LRRN3: variants seen among roughly 807,000 people sequenced by gnomAD.
LRRN3 encodes leucine-rich repeat neuronal protein 3.
A neutral mutation model predicts 40.1 loss-of-function variants in LRRN3; 15 were observed. The ratio of observed to expected loss-of-function variants is 0.37; its 90% CI spans 0.25 to 0.58. The LOEUF is 0.58. LRRN3 is among the 20% of genes least tolerant of loss of function. LRRN3 has a pLI of 0.72. For synonymous variants in LRRN3, 308 were observed against 297.2 expected, an observed-to-expected ratio of 1.04 and a Z score of -0.37; for missense variants, 746 against 837.7, an observed-to-expected ratio of 0.89 and a Z score of 1.35.
At chr7:111,119,040 C>A (rs1800249961) in intron 2 of LRRN3, among the ~76,000 whole-genome samples, 1 of 152,164 alleles carries the variant, frequency 6.6e-6, no homozygotes, top group African/African-American at 2.4e-5. Flanking sequence ...TATATTAAGA[C>A]TCCCCCAGAA....
At position 111,103,913 on chromosome 7, in the gene LRRN3, G is replaced by GA. The variant is rs1186469814; in HGVS notation, c.-359+3953dup. Among the ~76,000 whole-genome samples, 14 of 151,616 alleles carry GA rather than the reference G, an allele frequency of 9.2e-5. 1 individual carries two copies. The East Asian group carries it at 2.3e-3, about 25-fold the overall frequency. ...CCTTAATGACTAGGCTGCTTCTATT[G>GA]AACACCATTTTGAGAGTACCAGAGA... is the stretch of plus-strand genomic sequence containing the variant. On this transcript the variant is annotated intron_variant, in intron 2 of 2. Transcript: ENST00000308478.
At chr7:111,106,128 G>A (rs1798525264) in intron 2 of LRRN3, among the ~76,000 whole-genome samples, 1 of 151,944 alleles carries the variant, frequency 6.6e-6, no homozygotes, top group African/African-American at 2.4e-5. Flanking sequence ...CAACATTGGT[G>A]CACATTGGAG....
At chr7:111,099,028 G>T (rs2129579540) in intron 1 of LRRN3, among the ~76,000 whole-genome samples, 1 of 151,620 alleles carries the variant, frequency 6.6e-6, no homozygotes, top group East Asian at 1.9e-4. Flanking sequence ...ATTTATATCT[G>T]AGTTTTGCTA....
intron 1 of LRRN3, among the ~76,000 whole-genome samples, chr7:111,092,216 GC>G (rs1315193855): frequency 6.6e-6 from 1 of 152,218 alleles, no homozygotes. Flanking sequence ...GATTGCTAAT[GC>G]AGCTGGAACT....
chr7:111,122,022 T>G (rs1197514185), intron 2 of LRRN3, among the ~76,000 whole-genome samples: 3 of 140,290 alleles, frequency 2.1e-5, no homozygotes, highest in Admixed American at 8.0e-5. Context: ...AGTTGGGAAC[T>G]GAACAATGAG....
chr7:111,118,260 AG>A (rs1800133968), intron 2 of LRRN3, among the ~76,000 whole-genome samples: 1 of 152,120 alleles, frequency 6.6e-6, no homozygotes, highest in South Asian at 2.1e-4. Flanking sequence ...GCCAAAAAGT[AG>A]GTGTTGGATC....
At chr7:111,093,284 TA>T (rs1179580207) in intron 1 of LRRN3, among the ~76,000 whole-genome samples, 1 of 151,950 alleles carries the variant, frequency 6.6e-6, no homozygotes, top group East Asian at 1.9e-4. Flanking sequence ...ATGCAATCTA[TA>T]AAAAAAACCA....
chr7:111,112,454 T>G (rs1446309998), intron 2 of LRRN3, among the ~76,000 whole-genome samples: 1 of 151,784 alleles, frequency 6.6e-6, no homozygotes, highest in East Asian at 1.9e-4. Flanking sequence ...TCATGTCCTG[T>G]ACAGTAATGA....
Position 111,123,233 on chromosome 7 carries a change from C to T in LRRN3, c.461C>T (p.Thr154Ile), listed in dbSNP as rs780343013. Reference sequence around the variant, plus strand: ...TATATTAATCACAACTTGCTTTCTACAATTTCACCTGGAGCCTTTATTGGC... The same window carrying T: ...TATATTAATCACAACTTGCTTTCTATAATTTCACCTGGAGCCTTTATTGGC... ...ELYINHNLLS[T>I]ISPGAFIGLH... Residue 154 changes from threonine to isoleucine, a missense_variant, in exon 3 of 3, where the codon ACA becomes ATA. Thr to Ile is a moderately conservative substitution (Grantham distance 89, BLOSUM62 -1). Coordinates refer to ENST00000308478, the MANE Select transcript of LRRN3 (RefSeq NM_001099658.2). This position sits in a 1 kb window ranked among gnomAD's most constrained non-coding sequence, Gnocchi z 6.4. 2.0e-5 allele frequency: 33 copies of T among 1,613,732 alleles called. No individual in the cohort carries two copies. In the Admixed American group the frequency reaches 4.2e-4, roughly 20 times the overall value.
chr7:111,114,807 G>A (rs540319181), intron 2 of LRRN3, among the ~76,000 whole-genome samples: 1 of 151,776 alleles, frequency 6.6e-6, no homozygotes, highest in Admixed American at 6.6e-5. Context: ...ATATTTAAGG[G>A]TTACTACAAA....
intron 2 of LRRN3, among the ~76,000 whole-genome samples, chr7:111,108,262 C>G (rs377407008): frequency 1.3e-5 from 2 of 152,156 alleles, no homozygotes; most frequent in African/African-American, 2.4e-5. Flanking sequence ...GTACTTAACA[C>G]TCAATTATAT....
At chr7:111,115,718 G>A (rs1586374021) in intron 2 of LRRN3, among the ~76,000 whole-genome samples, 1 of 151,970 alleles carries the variant, frequency 6.6e-6, no homozygotes, top group East Asian at 1.9e-4. Flanking sequence ...TCAGGCTAGA[G>A]TGCAGCTGGC....
intron 2 of LRRN3, among the ~76,000 whole-genome samples, chr7:111,100,417 TATA>T (rs566298410): frequency 8.8e-4 from 131 of 148,046 alleles, no homozygotes; most frequent in African/African-American, 3.1e-3. Context: ...AAACTTTATA[TATA>T]ATAAAATATA....
chr7:111,093,982 G>A (rs937991110), intron 1 of LRRN3, among the ~76,000 whole-genome samples: 13 of 152,036 alleles, frequency 8.6e-5, no homozygotes, highest in Middle Eastern at 3.2e-3. Context: ...CTTAATAAAC[G>A]GTGCTACCAG....
At chr7:111,098,060 T>C (rs1045076805) in intron 1 of LRRN3, among the ~76,000 whole-genome samples, 4 of 151,794 alleles carry the variant, frequency 2.6e-5, no homozygotes, top group African/African-American at 4.8e-5. Context: ...GTGACTGCCA[T>C]ATATGAAAGA....
Position 111,124,104 on chromosome 7 carries a change from T to C in LRRN3, c.1332T>C (p.Cys444=). 3 of 1,614,062 alleles carry C rather than the reference T, an allele frequency of 1.9e-6. No individual in the cohort carries two copies. Among genetic ancestry groups the C allele is most frequent in the Non-Finnish European group, 2.5e-6 (3 of 1,179,990 alleles). The change falls in exon 3 of 3, where the codon TGT becomes TGC. Residue 444 remains cysteine (C), a synonymous_variant. Coordinates refer to ENST00000308478, the MANE Select transcript of LRRN3 (RefSeq NM_001099658.2). The part of the protein sequence containing the change: ...VEAGSYVSFH[C]RATAEPQPEI... ...CTGGGAGCTATGTTTCCTTTCACTG[T>C]AGAGCTACTGCAGAACCACAGCCTG...
chr7:111,106,503 C>T (rs1798563456), intron 2 of LRRN3, among the ~76,000 whole-genome samples: 1 of 151,712 alleles, frequency 6.6e-6, no homozygotes, highest in Non-Finnish European at 1.5e-5. Context: ...TGTCTTCTAC[C>T]ATCACCATTT....
chr7:111,107,090 T>C (rs1798630928), intron 2 of LRRN3, among the ~76,000 whole-genome samples: 1 of 151,998 alleles, frequency 6.6e-6, no homozygotes, highest in African/African-American at 2.4e-5. Context: ...CAGATGCTCA[T>C]GAATAGACAA....
intron 2 of LRRN3, among the ~76,000 whole-genome samples, chr7:111,121,731 T>C (rs1563266264): frequency 6.6e-6 from 1 of 152,134 alleles, no homozygotes; most frequent in Non-Finnish European, 1.5e-5. Context: ...CATTACTGGG[T>C]ATATACCCAA....
Sources: gnomAD v4.1 joint callset for allele counts (sites outside exome capture counted in the v4.1 genomes callset) on GRCh38, gnomAD v4.1.1 for gene constraint, Gnocchi (gnomAD v3.1) non-coding constraint, MANE v1.5 for transcripts, NCBI Gene and HGNC (gene_info 2026-07-23, HGNC 2026-07-21) for gene names.